The following LRBA variants were observed in gnomAD, a reference collection of about 807,000 sequenced individuals.
LRBA encodes the protein lipopolysaccharide-responsive and beige-like anchor protein.
LRBA carries 176 observed loss-of-function variants against 330.0 expected under a neutral mutation model. The ratio of observed to expected loss-of-function variants is 0.53; its 90% CI spans 0.47 to 0.60. The LOEUF (loss-of-function observed/expected upper bound fraction) is 0.60, where lower values mean the gene tolerates loss of function less well. Among genes scored for constraint, LRBA ranks in the 20% least tolerant of loss-of-function variants. The probability of loss-of-function intolerance (pLI) is 0.00; values close to 1 mark genes in which losing one functional copy is unlikely to be tolerated. For synonymous variants in LRBA, 1,230 were observed against 1,193.0 expected (o/e 1.03, Z -0.64); for missense variants, 3,259 against 3,444.8 (o/e 0.95, Z 1.35).
chr4:150,933,224 C>T (rs532082040), intron 2 of LRBA, among the ~76,000 whole-genome samples: 2 of 151,916 alleles, frequency 1.3e-5, no homozygotes, highest in South Asian at 4.2e-4. Flanking sequence ...CCCGTCTCTA[C>T]TAAAAATACA....
chr4:150,926,263 A>G (rs2149503766), intron 4 of LRBA, among the ~76,000 whole-genome samples: 1 of 152,320 alleles, frequency 6.6e-6, no homozygotes, highest in South Asian at 2.1e-4. Flanking sequence ...ATACAGAGCT[A>G]GGAATTGTTG....
intron 46 of LRBA, chr4:150,422,810 G>T: frequency 6.8e-7 from 1 of 1,475,946 alleles, no homozygotes; most frequent in African/African-American, 1.4e-5. Context: ...GCTGCGGTTT[G>T]CCCTGGAACT....
At chr4:150,486,637 C>T (rs1225202236) in intron 42 of LRBA, among the ~76,000 whole-genome samples, 1 of 151,458 alleles carries the variant, frequency 6.6e-6, no homozygotes, top group Non-Finnish European at 1.5e-5. Flanking sequence ...ATATCCATTA[C>T]CTCATATATT....
intron 56 of LRBA, 48 bp from the exon 57 acceptor site, chr4:150,265,860 G>T: frequency 8.4e-7 from 1 of 1,190,676 alleles, no homozygotes; most frequent in South Asian, 1.2e-5. Flanking sequence ...GTGTGTCCTA[G>T]AGATGTTACT....
chr4:150,833,899 G>A (rs1242996955), intron 28 of LRBA, among the ~76,000 whole-genome samples: 1 of 152,144 alleles, frequency 6.6e-6, no homozygotes, highest in Non-Finnish European at 1.5e-5. Flanking sequence ...AATACATTTA[G>A]GTAATATTCT....
rs1323794389 is a variant in LRBA, at chr4:150,583,133, G to A, written c.6330+4915C>T. 1 of 1,614,114 alleles carries A rather than the reference G, an allele frequency of 6.2e-7. No individual in the cohort carries two copies. Among genetic ancestry groups the A allele is most frequent in the Non-Finnish European group, 8.5e-7 (1 of 1,180,036 alleles). ...ATCGCCAAAACCATCCGAGAGGTCT[G>A]TAAGGTGGTCTCGGACGTGCTCAAG... On this transcript the variant is annotated intron_variant, in intron 40 of 56. Transcript: ENST00000651943. The surrounding 1 kb of genome is among the most constrained non-coding windows in gnomAD (Gnocchi z 9.8).
chr4:150,443,806 C>T lies in LRBA; in HGVS notation c.6781-6942G>A, dbSNP rs1374874088. On this transcript the variant is annotated intron_variant, in intron 44 of 56. Coordinates refer to ENST00000651943, the MANE Select transcript of LRBA (RefSeq NM_001364905.1). Reference sequence around the variant, plus strand: ...GCACATGTATACATATGTAATAAACCTGCATGTTGTGCACATGTATCCTAG... The same window carrying T: ...GCACATGTATACATATGTAATAAACTTGCATGTTGTGCACATGTATCCTAG... Among the ~76,000 whole-genome samples the T allele has an allele frequency of 2.7e-5, 4 of 145,490 alleles. No homozygotes were observed. In the Admixed American group the frequency reaches 2.8e-4, roughly 10 times the overall value.
chr4:150,744,289 T>C (rs946625465), intron 35 of LRBA, among the ~76,000 whole-genome samples: 4 of 152,216 alleles, frequency 2.6e-5, no homozygotes, highest in Non-Finnish European at 5.9e-5. Context: ...TGCCTTGTAC[T>C]TTCAAACATT....
chr4:150,808,420 CT>C (rs750358524), intron 31 of LRBA, 22 bp from the exon 32 acceptor site: 6 of 1,415,872 alleles, frequency 4.2e-6, no homozygotes, highest in Non-Finnish European at 6.0e-6. Context: ...AAATAACCAT[CT>C]ATAGGAATTT....
Position 150,959,361 on chromosome 4 carries a change from G to T in LRBA, c.217-30296C>A, listed in dbSNP as rs1487318334. ...CTCCCACATGAGACCTACAATTCAAGAAAGATTTTGGTGGGGACACAGCCA... is the reference window on the plus strand; with the variant it reads ...CTCCCACATGAGACCTACAATTCAATAAAGATTTTGGTGGGGACACAGCCA... On this transcript the variant is annotated intron_variant, in intron 2 of 56. Transcript: ENST00000651943. Among the ~76,000 whole-genome samples the T allele has an allele frequency of 4.0e-5, 6 of 149,212 alleles. 2 individuals are homozygous for T. The highest frequency in any genetic ancestry group is 1.6e-4 in the African/African-American group (6 of 38,628).
At chr4:150,899,938 T>C in intron 14 of LRBA, 111 bp downstream of exon 14, 3 of 681,132 alleles carry the variant, frequency 4.4e-6, no homozygotes, top group Non-Finnish European at 4.6e-6. Flanking sequence ...TTTGCCATAA[T>C]GGAATATAGA....
intron 40 of LRBA, among the ~76,000 whole-genome samples, chr4:150,559,849 AATATATAATTATATATAATATATAATT>A (rs1767993088): frequency 6.5e-5 from 2 of 30,818 alleles, no homozygotes; most frequent in Admixed American, 6.5e-4. Context: ...TATATATAAT[AATATATAATTATATATAATATATAATT>A]ATATATAATT....
chr4:150,697,476 A>AT (rs903455774), intron 36 of LRBA, among the ~76,000 whole-genome samples: 1 of 151,960 alleles, frequency 6.6e-6, no homozygotes, highest in East Asian at 1.9e-4. Flanking sequence ...AAATAAATGC[A>AT]TTTTTTTAAG....
At chr4:150,862,979 A>G (rs2126965991) in intron 22 of LRBA, among the ~76,000 whole-genome samples, 1 of 150,014 alleles carries the variant, frequency 6.7e-6, no homozygotes, top group Non-Finnish European at 1.5e-5. Context: ...ACTCTGTCTC[A>G]TTTAAAAAAG....
chr4:150,364,593 G>A (rs895320570), intron 47 of LRBA, among the ~76,000 whole-genome samples: 1 of 152,168 alleles, frequency 6.6e-6, no homozygotes, highest in South Asian at 2.1e-4. Context: ...ATATCATTTA[G>A]AAATACTAGT....
At chr4:150,668,256 A>C (rs1056641649) in intron 37 of LRBA, among the ~76,000 whole-genome samples, 2 of 152,198 alleles carry the variant, frequency 1.3e-5, no homozygotes, top group Non-Finnish European at 2.9e-5. Flanking sequence ...TTCCTTTGCA[A>C]ATTTTAAAAA....
At chr4:150,734,065 A>G (rs114402797) in intron 36 of LRBA, among the ~76,000 whole-genome samples, 2,989 of 152,254 alleles carry the variant, frequency 0.02, 40 homozygotes, top group Non-Finnish European at 0.033. Context: ...TCCTGATTTT[A>G]AAAGAGATGA....
chr4:150,689,517 G>C (rs1286921636), intron 36 of LRBA, among the ~76,000 whole-genome samples: 2 of 151,384 alleles, frequency 1.3e-5, no homozygotes, highest in African/African-American at 4.9e-5. Context: ...AAACAGAAAT[G>C]GAAAATGTTA....
At chr4:150,785,957 A>C (rs1458578891) in intron 34 of LRBA, among the ~76,000 whole-genome samples, 1 of 152,280 alleles carries the variant, frequency 6.6e-6, no homozygotes, top group Non-Finnish European at 1.5e-5. Context: ...AGCACATAAA[A>C]ACCACGGAAT....
Sources: gnomAD v4.1 joint callset for allele counts (sites outside exome capture counted in the v4.1 genomes callset) on GRCh38, gnomAD v4.1.1 for gene constraint, Gnocchi (gnomAD v3.1) non-coding constraint, MANE v1.5 for transcripts, NCBI Gene and HGNC (gene_info 2026-07-23, HGNC 2026-07-21) for gene names.